Variants in GHR observed in about 807,000 individuals in gnomAD.
GHR encodes the protein GH receptor.
Under a neutral mutation model 67.1 loss-of-function variants are expected in GHR, and 35 were observed. That is an observed-to-expected ratio of 0.52 (90% confidence interval 0.40 to 0.69). The LOEUF is 0.69. Ranked by LOEUF, GHR falls within the 30% of genes least tolerant of loss-of-function variation. GHR has a pLI of 0.00. For missense variants in GHR, 792 were observed against 764.6 expected (o/e 1.04, Z -0.42); for synonymous variants, 272 against 269.1 (o/e 1.01, Z -0.10).
chr5:42,637,611 A>T (rs989006328), intron 3 of GHR, among the ~76,000 whole-genome samples: 1 of 152,170 alleles, frequency 6.6e-6, no homozygotes, highest in South Asian at 2.1e-4. Flanking sequence ...ACATACATCC[A>T]TGTTGCTGCA....
chr5:42,591,096 C>T (rs534834006), intron 2 of GHR, among the ~76,000 whole-genome samples: 19 of 152,294 alleles, frequency 1.2e-4, no homozygotes, highest in Admixed American at 3.3e-4. Flanking sequence ...AATCGTTTTT[C>T]GTTAGCTTTA....
chr5:42,513,409 A>G (rs1172179669), intron 1 of GHR, among the ~76,000 whole-genome samples: 1 of 152,210 alleles, frequency 6.6e-6, no homozygotes, highest in Non-Finnish European at 1.5e-5. Flanking sequence ...GCTCATTAGC[A>G]GCCCCACTCA....
At chr5:42,645,496 A>T (rs1461575779) in intron 3 of GHR, among the ~76,000 whole-genome samples, 1 of 152,210 alleles carries the variant, frequency 6.6e-6, no homozygotes, top group Non-Finnish European at 1.5e-5. Flanking sequence ...AAAACCAAAG[A>T]GAGAGAGAGG....
intron 3 of GHR, among the ~76,000 whole-genome samples, chr5:42,667,966 T>C (rs192409516): frequency 2.1e-4 from 32 of 152,310 alleles, no homozygotes; most frequent in Admixed American, 1.3e-3. Flanking sequence ...TTTAACTGCC[T>C]TTTTTCATTA....
intron 2 of GHR, among the ~76,000 whole-genome samples, chr5:42,572,764 G>T (rs903935968): frequency 6.6e-6 from 1 of 152,162 alleles, no homozygotes; most frequent in Non-Finnish European, 1.5e-5. Flanking sequence ...TGGAAGGATT[G>T]CAGGTATTAG....
intron 1 of GHR, among the ~76,000 whole-genome samples, chr5:42,430,229 G>A (rs948983980): frequency 6.6e-6 from 1 of 152,178 alleles, no homozygotes; most frequent in Non-Finnish European, 1.5e-5. Flanking sequence ...CCTGAAGTGT[G>A]CATTGGGCAC....
intron 1 of GHR, among the ~76,000 whole-genome samples, chr5:42,551,003 C>T (rs78655949): frequency 0.028 from 4,318 of 152,252 alleles, 119 homozygotes; most frequent in East Asian, 0.15. Flanking sequence ...AGATGGTGGT[C>T]TGGATGTTCC....
intron 1 of GHR, among the ~76,000 whole-genome samples, chr5:42,519,552 C>T (rs1747384458): frequency 6.6e-6 from 1 of 152,212 alleles, no homozygotes; most frequent in Admixed American, 6.5e-5. Context: ...CAAATTCTCT[C>T]AGTAACTCAT....
At chr5:42,514,053 T>G in intron 1 of GHR, 1 of 944,526 alleles carries the variant, frequency 1.1e-6, no homozygotes, top group Non-Finnish European at 1.3e-6. Flanking sequence ...AAAGCTTGCT[T>G]CACCCAGAAT....
At chr5:42,458,318 TA>T (rs1373565456) in intron 1 of GHR, among the ~76,000 whole-genome samples, 2 of 152,046 alleles carry the variant, frequency 1.3e-5, no homozygotes, top group African/African-American at 4.8e-5. Context: ...AGCCCAGAAA[TA>T]ATGCCACACA....
chr5:42,568,759 T>C (rs563192507), intron 2 of GHR, among the ~76,000 whole-genome samples: 1 of 152,268 alleles, frequency 6.6e-6, no homozygotes, highest in Admixed American at 6.5e-5. Flanking sequence ...AAAGTCTAGA[T>C]TGTGTGATGA....
intron 4 of GHR, among the ~76,000 whole-genome samples, chr5:42,690,756 C>T (rs1265562208): frequency 1.3e-5 from 2 of 152,044 alleles, no homozygotes; most frequent in Admixed American, 6.6e-5. Flanking sequence ...ACCAAGTATA[C>T]TATATTTTTC....
intron 1 of GHR, chr5:42,549,490 C>G (rs1033639897): frequency 1.3e-5 from 2 of 156,400 alleles, no homozygotes; most frequent in African/African-American, 4.8e-5. Context: ...AGGCACCTGA[C>G]TTCACTTGGG....
At chr5:42,540,845 A>G (rs1748480308) in intron 1 of GHR, among the ~76,000 whole-genome samples, 1 of 152,056 alleles carries the variant, frequency 6.6e-6, no homozygotes, top group South Asian at 2.1e-4. Context: ...AACCAATATC[A>G]GTGTTCCCAT....
chr5:42,659,914 G>A (rs1356463493), intron 3 of GHR, among the ~76,000 whole-genome samples: 3 of 152,108 alleles, frequency 2.0e-5, no homozygotes, highest in Non-Finnish European at 2.9e-5. Flanking sequence ...CTAATACTGC[G>A]CTTTTCTGAC....
chr5:42,509,800 G>T (rs76655223), intron 1 of GHR, among the ~76,000 whole-genome samples: 1 of 149,888 alleles, frequency 6.7e-6, no homozygotes, highest in Admixed American at 6.7e-5. Context: ...AGGCTTTAAC[G>T]CTAACAGTTA....
At chr5:42,628,882 A>T (rs1753825946) in intron 2 of GHR, among the ~76,000 whole-genome samples, 156 bp from the exon 3 acceptor site, 1 of 131,430 alleles carries the variant, frequency 7.6e-6, no homozygotes, top group Non-Finnish European at 1.6e-5. Context: ...CTGCCTTCCC[A>T]TTGTGGCCAG....
intron 1 of GHR, among the ~76,000 whole-genome samples, chr5:42,493,427 C>T (rs950828167): frequency 6.6e-6 from 1 of 151,988 alleles, no homozygotes; most frequent in Non-Finnish European, 1.5e-5. Flanking sequence ...CAAAGGAAAC[C>T]TATGCCTAAA....
At chr5:42,708,105 T>C (rs2111795128) in intron 6 of GHR, among the ~76,000 whole-genome samples, 1 of 152,250 alleles carries the variant, frequency 6.6e-6, no homozygotes, top group African/African-American at 2.4e-5. Context: ...AATTTAAATA[T>C]AACAAAGTAC....
Sources: gnomAD v4.1 joint callset for allele counts (sites outside exome capture counted in the v4.1 genomes callset) on GRCh38, gnomAD v4.1.1 for gene constraint, MANE v1.5 for transcripts, NCBI Gene and HGNC (gene_info 2026-07-23, HGNC 2026-07-21) for gene names.